The following LRRFIP1 variants were observed in gnomAD, a reference collection of about 807,000 sequenced individuals.
The protein encoded by LRRFIP1 is leucine-rich repeat flightless-interacting protein 1.
LRRFIP1 carries 62 observed loss-of-function variants against 104.4 expected under a neutral mutation model. The observed-to-expected ratio is 0.59, with a 90% CI of 0.48 to 0.73. The LOEUF is 0.73. LRRFIP1 is among the 30% of genes least tolerant of loss of function. LRRFIP1 has a pLI of 0.00. For synonymous variants in LRRFIP1, 300 were observed against 299.0 expected (o/e 1.00, Z -0.03); for missense variants, 796 against 824.5 (o/e 0.97, Z 0.42).
At position 237,627,668 on chromosome 2, in the gene LRRFIP1, G is replaced by C. The variant is rs761000381; in HGVS notation, c.24G>C (p.Ser8=). ...CGATGGACATGGGCACCCAGGGATC[G>C]GGGCGCAAGCGGCTCCCCAACCGGG... MDMGTQG[S]GRKRLPNRER... Residue 8 remains serine (S), a synonymous_variant, in exon 1 of 24, where the codon TCG becomes TCC. Coordinates refer to ENST00000308482, the MANE Select transcript of LRRFIP1 (RefSeq NM_001137550.2). 7 of 1,364,620 alleles carry C rather than the reference G, an allele frequency of 5.1e-6. No individual in the cohort carries two copies. The highest frequency in any genetic ancestry group is 6.7e-6 in the Non-Finnish European group (7 of 1,046,248). 84.5% of individuals were successfully genotyped at this position (1,364,620 alleles called of 1,614,324 possible).
At chr2:237,706,573 A>C (rs1011561547) in intron 1 of LRRFIP1, among the ~76,000 whole-genome samples, 8 of 151,948 alleles carry the variant, frequency 5.3e-5, no homozygotes, top group African/African-American at 1.9e-4. Context: ...GTAGGACGTC[A>C]CTCTAATGCC....
chr2:237,708,012 A>G (rs1164142109), intron 1 of LRRFIP1, among the ~76,000 whole-genome samples: 2 of 152,258 alleles, frequency 1.3e-5, no homozygotes. Flanking sequence ...GCTCCACGCC[A>G]GCCAGCCCTA....
intron 6 of LRRFIP1, chr2:237,721,785 T>C (rs1449169731): frequency 6.6e-6 from 1 of 152,224 alleles, no homozygotes; most frequent in Non-Finnish European, 1.5e-5. Flanking sequence ...TCCTTGTCAG[T>C]GTCCTTGCAG....
intron 1 of LRRFIP1, among the ~76,000 whole-genome samples, chr2:237,637,362 G>A (rs962185679): frequency 6.6e-6 from 1 of 152,178 alleles, no homozygotes; most frequent in Non-Finnish European, 1.5e-5. Context: ...CAGCTACTCG[G>A]GGGGCTGAGG....
At chr2:237,644,247 T>C (rs2084509158) in intron 1 of LRRFIP1, among the ~76,000 whole-genome samples, 1 of 152,254 alleles carries the variant, frequency 6.6e-6, no homozygotes, top group African/African-American at 2.4e-5. Flanking sequence ...AAGGCAATCA[T>C]TGTGTCCAGG....
In LRRFIP1 at chr2:237,708,572, C is replaced by A; in HGVS notation, c.125C>A (p.Ala42Glu). The A allele has an allele frequency of 6.3e-7, 1 of 1,590,830 alleles. No homozygotes were observed. Among genetic ancestry groups the A allele is most frequent in the Non-Finnish European group, 8.6e-7 (1 of 1,166,040 alleles). ...EAEARLAAKR[A>E]ARAEAREIRM... is the part of the protein sequence containing the mutation. The stretch of plus-strand genomic sequence containing the variant: ...GAAGCCCGGCTCGCTGCAAAACGGG[C>A]GGCCCGCGCGGAGGCTCGCGAGATC... The change falls in exon 2 of 24, where the codon GCG becomes GAG. Residue 42 changes from alanine (A) to glutamate (E), a missense_variant. Coordinates refer to ENST00000308482, the MANE Select transcript of LRRFIP1 (RefSeq NM_001137550.2).
At chr2:237,758,234 G>A (rs1474316788) in intron 17 of LRRFIP1, among the ~76,000 whole-genome samples, 1 of 152,240 alleles carries the variant, frequency 6.6e-6, no homozygotes, top group East Asian at 1.9e-4. Flanking sequence ...GTGTGTGTGT[G>A]TGTGTGTGTG....
intron 1 of LRRFIP1, among the ~76,000 whole-genome samples, chr2:237,695,713 A>G (rs1018780471): frequency 1.3e-5 from 2 of 151,420 alleles, no homozygotes; most frequent in Non-Finnish European, 2.9e-5. Flanking sequence ...GAGGATTTTT[A>G]TTACCTCACT....
At chr2:237,645,570 A>G (rs561984577) in intron 1 of LRRFIP1, among the ~76,000 whole-genome samples, 5 of 152,132 alleles carry the variant, frequency 3.3e-5, no homozygotes, top group African/African-American at 9.6e-5. Context: ...GGACCCTGAC[A>G]TGGATGAAAA....
Position 237,627,589 on chromosome 2 carries a change from G to A in LRRFIP1, c.-56G>A, listed in dbSNP as rs531700352. Reference sequence around the variant, plus strand: ...GGGGCCGGGGCCGGGGCCGGGCCGGGGCGGCGCGAGCGGCTGGAGCAACGG... The same window carrying A: ...GGGGCCGGGGCCGGGGCCGGGCCGGAGCGGCGCGAGCGGCTGGAGCAACGG... On this transcript the variant is annotated 5_prime_UTR_variant, in exon 1 of 24. Coordinates refer to ENST00000308482, the MANE Select transcript of LRRFIP1 (RefSeq NM_001137550.2). 6.9e-5 allele frequency: 73 copies of A among 1,062,612 alleles called. No individual in the cohort carries two copies. The African/African-American group carries it at 1.1e-3, about 17-fold the overall frequency. 65.8% of individuals were successfully genotyped at this position (1,062,612 alleles called of 1,614,324 possible).
chr2:237,658,232 T>C (rs910596069), intron 1 of LRRFIP1, among the ~76,000 whole-genome samples: 16 of 152,214 alleles, frequency 1.1e-4, no homozygotes, highest in Non-Finnish European at 2.9e-5. Context: ...GGAATAAGGT[T>C]GGCATGAGTG....
At chr2:237,732,341 G>A (rs926364766) in intron 8 of LRRFIP1, among the ~76,000 whole-genome samples, 3 of 152,184 alleles carry the variant, frequency 2.0e-5, no homozygotes, top group Admixed American at 6.5e-5. Context: ...GGGACTCTCC[G>A]GCTCCAGCCT....
In LRRFIP1 at chr2:237,735,194, C is replaced by T; in HGVS notation, c.490-74C>T. 1 of 1,292,796 alleles carries T rather than the reference C, an allele frequency of 7.7e-7. No individual in the cohort carries two copies. The allele number at this position is 1,292,796 out of a possible 1,614,324, so 80.1% of individuals were successfully genotyped here. ...TGGCACGTGTCAGTTTTTCACAGCT[C>T]ACGTTTTCAGCACTTTCTGGGCACT... On this transcript the variant is annotated intron_variant, in intron 9 of 23. Coordinates refer to ENST00000308482, the MANE Select transcript of LRRFIP1 (RefSeq NM_001137550.2). This position sits in a 1 kb window ranked among gnomAD's most constrained non-coding sequence, Gnocchi z 4.6.
At chr2:237,738,417 G>A (rs1559736530) in intron 10 of LRRFIP1, among the ~76,000 whole-genome samples, 1 of 152,220 alleles carries the variant, frequency 6.6e-6, no homozygotes, top group East Asian at 1.9e-4. Flanking sequence ...GAATGGAGGG[G>A]CCTTCAGCAG....
At chr2:237,675,101 C>G (rs148011013) in intron 1 of LRRFIP1, among the ~76,000 whole-genome samples, 2 of 152,340 alleles carry the variant, frequency 1.3e-5, no homozygotes, top group South Asian at 2.1e-4. Context: ...TTTTCACACG[C>G]CCAGACACCA....
At chr2:237,630,349 A>G (rs765994866) in intron 1 of LRRFIP1, among the ~76,000 whole-genome samples, 23 of 152,228 alleles carry the variant, frequency 1.5e-4, no homozygotes, top group Admixed American at 2.6e-4. Context: ...CATTGACTCA[A>G]CAGATACAAG....
At chr2:237,673,022 C>G (rs1182776992) in intron 1 of LRRFIP1, among the ~76,000 whole-genome samples, 1 of 152,210 alleles carries the variant, frequency 6.6e-6, no homozygotes, top group East Asian at 1.9e-4. Context: ...ACAGACTTAC[C>G]ACACACTGTG....
chr2:237,682,327 C>T (rs1265777756), intron 1 of LRRFIP1, among the ~76,000 whole-genome samples: 1 of 152,254 alleles, frequency 6.6e-6, no homozygotes, highest in Non-Finnish European at 1.5e-5. Flanking sequence ...GTCCTCCGGG[C>T]AGTCCTGTCT....
chr2:237,632,195 A>C (rs1312681766), intron 1 of LRRFIP1, among the ~76,000 whole-genome samples: 1 of 150,440 alleles, frequency 6.6e-6, no homozygotes. Flanking sequence ...AGTTGTGGAG[A>C]AGGGGTCACA....
Sources: allele counts gnomAD v4.1 joint callset (sites outside exome capture counted in the v4.1 genomes callset), GRCh38; gene constraint gnomAD v4.1.1; non-coding constraint Gnocchi (gnomAD v3.1); transcripts MANE v1.5; gene names NCBI Gene and HGNC (gene_info 2026-07-23, HGNC 2026-07-21).